The following SLC35F6 variants were observed in gnomAD, a reference collection of about 807,000 sequenced individuals.
SLC35F6 encodes the protein ANT2-binding protein.
Under a neutral mutation model 29.4 loss-of-function variants are expected in SLC35F6, and 26 were observed. That is an observed-to-expected ratio of 0.89 (90% confidence interval 0.65 to 1.23). The LOEUF (loss-of-function observed/expected upper bound fraction) is 1.23. Ranked by LOEUF, SLC35F6 falls within the 50% of genes most tolerant of loss-of-function variation. The pLI, the probability that SLC35F6 is intolerant of heterozygous loss-of-function variation, is 0.00. For missense variants in SLC35F6, 428 were observed against 487.8 expected (o/e 0.88, Z 1.15); for synonymous variants, 174 against 206.6 (o/e 0.84, Z 1.35).
At chr2:26,766,369 G>A (rs190824575) in intron 1 of SLC35F6, among the ~76,000 whole-genome samples, 10 of 152,310 alleles carry the variant, frequency 6.6e-5, no homozygotes, top group African/African-American at 1.2e-4. Context: ...AGGCAGAAGC[G>A]GCTGGATCAC....
intron 2 of SLC35F6, among the ~76,000 whole-genome samples, chr2:26,774,843 G>T (rs1395338414): frequency 6.6e-6 from 1 of 152,146 alleles, no homozygotes; most frequent in Admixed American, 6.5e-5. Context: ...CAGCCTTAGG[G>T]TTCATCAGGA....
rs772758191 is a variant in SLC35F6, at chr2:26,774,340, C to T, written c.150+17C>T. 20 of 1,613,356 alleles carry T rather than the reference C, an allele frequency of 1.2e-5. No individual in the cohort carries two copies. Among genetic ancestry groups the T allele is most frequent in the Non-Finnish European group, 1.3e-5 (15 of 1,179,642 alleles). On this transcript the variant is annotated intron_variant, in intron 2 of 5. Coordinates refer to ENST00000344420, the MANE Select transcript of SLC35F6 (RefSeq NM_017877.4). ...TTCCTCCAGGTATCTGGCCCTGTCC[C>T]TCCTACCTCCTGTCTCCCGGGCCTC...
Position 26,775,013 on chromosome 2 carries a change from C to T in SLC35F6, c.151-31C>T, listed in dbSNP as rs1449645298. ...AGATGATCCCCGAGATCCCTTCCAGCTCTGAAGTCCTCGGGTTTTCATCCC... is the reference window on the plus strand; with the variant it reads ...AGATGATCCCCGAGATCCCTTCCAGTTCTGAAGTCCTCGGGTTTTCATCCC... On this transcript the variant is annotated intron_variant, in intron 2 of 5. Coordinates refer to ENST00000344420, the MANE Select transcript of SLC35F6 (RefSeq NM_017877.4). The surrounding 1 kb of genome is among the most constrained non-coding windows in gnomAD (Gnocchi z 4.6). 5.0e-6 allele frequency: 8 copies of T among 1,595,146 alleles called. No homozygotes were observed. Among genetic ancestry groups the T allele is most frequent in the Non-Finnish European group, 6.8e-6 (8 of 1,169,310 alleles).
chr2:26,770,892 G>A (rs760112773), intron 1 of SLC35F6, among the ~76,000 whole-genome samples: 5 of 152,152 alleles, frequency 3.3e-5, no homozygotes, highest in East Asian at 3.8e-4. Context: ...GCCAGGAGTC[G>A]AAACCTGTCT....
At position 26,778,027 on chromosome 2, in the gene SLC35F6, T is replaced by G; in HGVS notation, c.647-15T>G. On this transcript the variant is annotated splice_polypyrimidine_tract_variant and intron_variant, in intron 5 of 5. Coordinates refer to ENST00000344420, the MANE Select transcript of SLC35F6 (RefSeq NM_017877.4). ...GGGGAAGGTGGAGAGTGTAACTGTT[T>G]CCTCTACTCCCCAGGCCTCTTTGGC... is the stretch of plus-strand genomic sequence containing the variant. 6.3e-7 allele frequency: 1 copy of G among 1,599,864 alleles called. No homozygotes were observed. The highest frequency in any genetic ancestry group is 8.5e-7 in the Non-Finnish European group (1 of 1,170,474).
In SLC35F6 at chr2:26,777,903, A is replaced by T. The variant is rs2148060109; in HGVS notation, c.647-139A>T. 4.0e-6 allele frequency: 3 copies of T among 741,996 alleles called. No individual in the cohort carries two copies. The East Asian group carries it at 8.0e-5, about 20-fold the overall frequency. The allele number at this position is 741,996 out of a possible 1,614,324, so 46.0% of individuals were successfully genotyped here. A position where few individuals can be genotyped will look rare whatever the true frequency, so the allele number is the denominator to read the frequency against. On this transcript the variant is annotated intron_variant, in intron 5 of 5. Transcript: ENST00000344420. The stretch of plus-strand genomic sequence containing the variant: ...ATAGGCCACAAGCTCCTGATGAGAG[A>T]CTGAGGGACGTGAAAGGAGGGAGCT...
At chr2:26,776,804 G>A (rs1029240398) in intron 5 of SLC35F6, among the ~76,000 whole-genome samples, 2 of 152,148 alleles carry the variant, frequency 1.3e-5, no homozygotes, top group Non-Finnish European at 2.9e-5. Flanking sequence ...GGCAGGGAGG[G>A]TGGCATTCGA....
At chr2:26,769,515 C>G (rs895964380) in intron 1 of SLC35F6, among the ~76,000 whole-genome samples, 4 of 152,256 alleles carry the variant, frequency 2.6e-5, no homozygotes, top group Non-Finnish European at 5.9e-5. Flanking sequence ...GCCTGCTGAG[C>G]TTCCAGTGTA....
chr2:26,767,247 G>C (rs1051325468), intron 1 of SLC35F6, among the ~76,000 whole-genome samples: 3 of 152,192 alleles, frequency 2.0e-5, no homozygotes, highest in African/African-American at 7.2e-5. Context: ...CCCAGCCTTT[G>C]ATGTGCCTCT....
chr2:26,774,415 G>A, intron 2 of SLC35F6, 92 bp downstream of exon 2: 1 of 1,385,000 alleles, frequency 7.2e-7, no homozygotes, highest in Non-Finnish European at 1.0e-6. Context: ...CCTGACTTAG[G>A]AGTGGAGGTG....
At chr2:26,765,808 C>T (rs138374631) in intron 1 of SLC35F6, among the ~76,000 whole-genome samples, 35 of 152,350 alleles carry the variant, frequency 2.3e-4, no homozygotes, top group African/African-American at 7.7e-4. Context: ...GAATCCTTAG[C>T]TGTTCAGAGG....
intron 2 of SLC35F6, 113 bp from the exon 3 acceptor site, chr2:26,774,931 T>A (rs1293708893): frequency 8.0e-7 from 1 of 1,246,430 alleles, no homozygotes; most frequent in Non-Finnish European, 1.1e-6. Flanking sequence ...ATTTTACATA[T>A]TGGGGTTCTG....
intron 1 of SLC35F6, among the ~76,000 whole-genome samples, chr2:26,773,620 T>C (rs1205348995): frequency 6.6e-6 from 1 of 151,438 alleles, no homozygotes; most frequent in Non-Finnish European, 1.5e-5. Context: ...ATGCTTTTTT[T>C]TTTTTTTTCT....
chr2:26,776,361 C>T lies in SLC35F6; in HGVS notation c.536-11C>T, dbSNP rs768557085. On this transcript the variant is annotated splice_polypyrimidine_tract_variant and intron_variant, in intron 4 of 5. Coordinates refer to ENST00000344420, the MANE Select transcript of SLC35F6 (RefSeq NM_017877.4). The stretch of plus-strand genomic sequence containing the variant: ...AGCCCTGTTCTCATCTGGGTCCCTC[C>T]TTCCCCACAGGGGACCTGTTGATCA... 3 of 1,613,766 alleles carry T rather than the reference C, an allele frequency of 1.9e-6. No homozygotes were observed. Among genetic ancestry groups the T allele is most frequent in the Non-Finnish European group, 2.5e-6 (3 of 1,179,630 alleles).
At chr2:26,774,174 A>T (rs141900259) in intron 1 of SLC35F6, 77 bp from the exon 2 acceptor site, 1 of 1,564,340 alleles carries the variant, frequency 6.4e-7, no homozygotes, top group Middle Eastern at 1.7e-4. Context: ...GCCTCTTGAC[A>T]TTGAGAGGTG....
chr2:26,777,582 C>T (rs543666699), intron 5 of SLC35F6, among the ~76,000 whole-genome samples: 9 of 152,312 alleles, frequency 5.9e-5, no homozygotes, highest in African/African-American at 1.7e-4. Flanking sequence ...CCTTCTGGCG[C>T]AAGCTCCTTG....
In SLC35F6 at chr2:26,778,300, T is replaced by C; in HGVS notation, c.905T>C (p.Val302Ala). 6.2e-7 allele frequency: 1 copy of C among 1,614,198 alleles called. No homozygotes were observed. The change falls in exon 6 of 6, where the codon GTC (valine) becomes GCC (alanine). Residue 302 changes from valine to alanine, a missense_variant. Physicochemically the swap from Val to Ala is moderately conservative, Grantham distance 64. Transcript: ENST00000344420. ...GTGTTGGACAGCTTGCGCACCGTTG[T>C]CATCTGGGCACTGAGCCTGGCACTG... ...RMVLDSLRTV[V>A]IWALSLALGW...
At chr2:26,764,909 G>A (rs1664070024) in intron 1 of SLC35F6, 1 of 985,290 alleles carries the variant, frequency 1.0e-6, no homozygotes, top group African/African-American at 1.7e-5. Context: ...AGCTTAGGTG[G>A]GATTTCGGAA....
At position 26,775,161 on chromosome 2, in the gene SLC35F6, C is replaced by T; in HGVS notation, c.268C>T (p.Leu90Phe). The T allele has an allele frequency of 6.2e-7, 1 of 1,614,126 alleles. No homozygotes were observed. Among genetic ancestry groups the T allele is most frequent in the Non-Finnish European group, 8.5e-7 (1 of 1,180,038 alleles). ...CCCCCAGCAGCCCTTCAACCCTCTT[C>T]TTTTCCTGCCCCCAGCGCTCTGTGA... ...VDPQQPFNPLLFLPPALCDMT... is the reference protein window; with the variant it reads ...VDPQQPFNPLFFLPPALCDMT... Residue 90 changes from leucine to phenylalanine, a missense_variant, in exon 3 of 6, where the codon CTT becomes TTT. Coordinates refer to ENST00000344420, the MANE Select transcript of SLC35F6 (RefSeq NM_017877.4). The surrounding 1 kb of genome is among the most constrained non-coding windows in gnomAD (Gnocchi z 4.6).
Sources: gnomAD v4.1 joint callset for allele counts (sites outside exome capture counted in the v4.1 genomes callset) on GRCh38, gnomAD v4.1.1 for gene constraint, Gnocchi (gnomAD v3.1) non-coding constraint, MANE v1.5 for transcripts, NCBI Gene and HGNC (gene_info 2026-07-23, HGNC 2026-07-21) for gene names.